Variants in DOCK7 observed in about 807,000 individuals in gnomAD.
DOCK7 encodes the protein dedicator of cytokinesis 7.
A neutral mutation model predicts 271.0 loss-of-function variants in DOCK7; 138 were observed. That is an observed-to-expected ratio of 0.51 (90% CI 0.44 to 0.59). The LOEUF is 0.59. Ranked by LOEUF, DOCK7 falls within the 20% of genes least tolerant of loss-of-function variation. The pLI, the probability that DOCK7 is intolerant of heterozygous loss-of-function variation, is 0.00. For missense variants in DOCK7, 2,066 were observed against 2,592.4 expected, an observed-to-expected ratio of 0.80 and a Z score of 4.41; for synonymous variants, 823 against 876.1, an observed-to-expected ratio of 0.94 and a Z score of 1.07.
At chr1:62,581,875 G>A (rs1647135071) in intron 16 of DOCK7, among the ~76,000 whole-genome samples, 1 of 152,134 alleles carries the variant, frequency 6.6e-6, no homozygotes, top group Non-Finnish European at 1.5e-5. Context: ...CACCAAGAAA[G>A]GACTGTTGTG....
chr1:62,562,216 G>T (rs1646345969), intron 18 of DOCK7, among the ~76,000 whole-genome samples: 2 of 130,356 alleles, frequency 1.5e-5, no homozygotes, highest in Admixed American at 8.2e-5. Flanking sequence ...AAGCCTGTTG[G>T]TTTAAGGATC....
At chr1:62,663,189 T>C (rs1461417544) in intron 1 of DOCK7, 59 bp from the exon 2 acceptor site, 8 of 1,305,086 alleles carry the variant, frequency 6.1e-6, no homozygotes, top group Non-Finnish European at 8.6e-6. Flanking sequence ...CTAAACTAGT[T>C]TAAAATGGAG....
intron 31 of DOCK7, among the ~76,000 whole-genome samples, chr1:62,523,067 G>T (rs1334065321): frequency 6.6e-6 from 1 of 151,988 alleles, no homozygotes; most frequent in Non-Finnish European, 1.5e-5. Context: ...CTAAACAATG[G>T]GGGGATTTGT....
intron 29 of DOCK7, among the ~76,000 whole-genome samples, chr1:62,534,653 A>T (rs1645283858): frequency 6.6e-6 from 1 of 152,076 alleles, no homozygotes; most frequent in Non-Finnish European, 1.5e-5. Flanking sequence ...AACAAAAATC[A>T]CATCATCAGA....
intron 49 of DOCK7, 144 bp downstream of exon 49, chr1:62,457,394 A>AT: frequency 2.6e-6 from 2 of 767,686 alleles, no homozygotes; most frequent in East Asian, 5.4e-5. Flanking sequence ...TGTAACACGA[A>AT]TATTCCAAAA....
At chr1:62,478,283 G>A (rs1168009) in intron 43 of DOCK7, 87,450 of 151,994 alleles carry the variant, frequency 0.58, 26,778 homozygotes, top group East Asian at 0.75. Flanking sequence ...ACCTCTTCAC[G>A]TATTAAATGA....
chr1:62,550,182 T>G (rs1645848012), intron 22 of DOCK7, among the ~76,000 whole-genome samples: 1 of 152,116 alleles, frequency 6.6e-6, no homozygotes, highest in Admixed American at 6.6e-5. Flanking sequence ...AGGGAGAAAC[T>G]GATGATGTGG....
intron 35 of DOCK7, among the ~76,000 whole-genome samples, chr1:62,506,619 C>T (rs985072971): frequency 8.6e-5 from 13 of 151,008 alleles, no homozygotes; most frequent in African/African-American, 2.4e-4. Context: ...TACAGGTGTG[C>T]GCCACCACAC....
At chr1:62,520,571 T>TA (rs1318016441) in intron 31 of DOCK7, among the ~76,000 whole-genome samples, 3 of 152,128 alleles carry the variant, frequency 2.0e-5, no homozygotes, top group African/African-American at 4.8e-5. Context: ...TCACACCAGT[T>TA]AGAGTGGCGA....
At chr1:62,459,664 G>GA (rs1364208385) in intron 48 of DOCK7, among the ~76,000 whole-genome samples, 4 of 151,666 alleles carry the variant, frequency 2.6e-5, no homozygotes, top group African/African-American at 7.3e-5. Flanking sequence ...ACTCAATGAA[G>GA]AAAAAAATGG....
chr1:62,465,742 G>A (rs977681261), intron 48 of DOCK7, among the ~76,000 whole-genome samples: 1 of 152,064 alleles, frequency 6.6e-6, no homozygotes, highest in Admixed American at 6.6e-5. Context: ...AGTAGAGATG[G>A]GGTTTCAGCA....
At chr1:62,540,666 T>C (rs1445400767) in intron 25 of DOCK7, among the ~76,000 whole-genome samples, 1 of 152,168 alleles carries the variant, frequency 6.6e-6, no homozygotes, top group East Asian at 1.9e-4. Flanking sequence ...TACTGAATAT[T>C]GTGCAGATTC....
chr1:62,474,356 G>A (rs1328217837), intron 47 of DOCK7, among the ~76,000 whole-genome samples: 1 of 152,164 alleles, frequency 6.6e-6, no homozygotes, highest in Non-Finnish European at 1.5e-5. Context: ...GTTCATTAAT[G>A]TATTTTGCTT....
At chr1:62,558,309 A>C (rs1470734396) in intron 20 of DOCK7, among the ~76,000 whole-genome samples, 2 of 152,096 alleles carry the variant, frequency 1.3e-5, no homozygotes, top group Non-Finnish European at 2.9e-5. Context: ...ATTTCTACTT[A>C]TAAATCTCCC....
At chr1:62,479,197 T>C (rs938085131) in intron 43 of DOCK7, among the ~76,000 whole-genome samples, 2 of 152,092 alleles carry the variant, frequency 1.3e-5, no homozygotes, top group East Asian at 3.8e-4. Flanking sequence ...CAAAAGGGCA[T>C]ATAAAATAAG....
rs76553200 is a variant in DOCK7, at chr1:62,651,737, C to T, written c.389+1988G>A. ...CATGTATGTAAGTGTATTCTTTACA[C>T]TTACAGATCTTAATCTGTGTTCCAT... is the stretch of plus-strand genomic sequence containing the variant. On this transcript the variant is annotated intron_variant, in intron 4 of 49. Coordinates refer to ENST00000635253, the MANE Select transcript of DOCK7 (RefSeq NM_001367561.1). 7.9e-5 allele frequency among the ~76,000 whole-genome samples: 12 copies of T among 152,280 alleles called. No individual in the cohort carries two copies. In the East Asian group the frequency reaches 2.3e-3, roughly 29 times the overall value.
chr1:62,623,845 T>C (rs569506123), intron 12 of DOCK7, among the ~76,000 whole-genome samples: 1 of 152,276 alleles, frequency 6.6e-6, no homozygotes, highest in South Asian at 2.1e-4. Context: ...TGCCCATGAA[T>C]ACTACTGATA....
chr1:62,615,906 T>G (rs904388481), intron 14 of DOCK7, among the ~76,000 whole-genome samples: 3 of 151,696 alleles, frequency 2.0e-5, no homozygotes, highest in Non-Finnish European at 3.0e-5. Flanking sequence ...CTTGAAAAAT[T>G]TAACTCCCAG....
chr1:62,613,365 C>G (rs1321213525), intron 14 of DOCK7, among the ~76,000 whole-genome samples: 1 of 152,058 alleles, frequency 6.6e-6, no homozygotes, highest in Non-Finnish European at 1.5e-5. Flanking sequence ...TTGAAAAGAT[C>G]AGGCCCCTCT....
Sources: allele counts gnomAD v4.1 joint callset (sites outside exome capture counted in the v4.1 genomes callset), GRCh38; gene constraint gnomAD v4.1.1; transcripts MANE v1.5; gene names NCBI Gene and HGNC (gene_info 2026-07-23, HGNC 2026-07-21).